Variants in ZNF275 observed in about 807,000 individuals in gnomAD.
The protein encoded by ZNF275 is zinc finger protein 275.
A neutral mutation model predicts 4.3 loss-of-function variants in ZNF275; 4 were observed. The ratio of observed to expected loss-of-function variants is 0.93; its 90% CI spans 0.46 to 2.13. ZNF275 has a LOEUF of 2.13. ZNF275 is among the 30% of genes most tolerant of loss of function. The pLI, the probability that ZNF275 is intolerant of heterozygous loss-of-function variation, is 0.02. For missense variants in ZNF275, 352 were observed against 397.1 expected, an observed-to-expected ratio of 0.89 and a Z score of 0.97; for synonymous variants, 173 against 166.9, an observed-to-expected ratio of 1.04 and a Z score of -0.28.
At chrX:153,344,790 C>G (rs781888640) in intron 2 of ZNF275, 2 of 372,435 alleles carry the variant, frequency 5.4e-6, no homozygotes, top group Non-Finnish European at 1.0e-5. Flanking sequence ...GTAAGGATGT[C>G]CCAGCCCTTC....
intron 2 of ZNF275, chrX:153,344,188 C>G (rs782030888): frequency 6.1e-6 from 2 of 330,485 alleles, no homozygotes; most frequent in Non-Finnish European, 1.2e-5. Context: ...TCCTGGCAGT[C>G]CCTCTTGAGA....
intron 2 of ZNF275, among the ~76,000 whole-genome samples, chrX:153,340,499 C>G (rs1345042897): frequency 1.8e-5 from 2 of 113,139 alleles, no homozygotes; most frequent in African/African-American, 6.4e-5. Context: ...ACTCCTTGGC[C>G]TCAGCCCTTG....
chrX:153,344,573 C>A, intron 2 of ZNF275: 1 of 365,782 alleles, frequency 2.7e-6, no homozygotes, highest in East Asian at 7.5e-5. Context: ...CAGACACCCA[C>A]TCCAGACCCT....
rs1556961634 is a variant in ZNF275 at position 153,346,939 on chromosome X, C to G, written c.254C>G (p.Ser85Cys). ...CCTGAATTCAGACAGCACGGGGACT[C>G]TGACGGGAAGAGAGGGAGCCCACAG... ...PSPEFRQHGD[S>C]DGKRGSPQNL... Residue 85 changes from serine to cysteine, a missense_variant, in exon 4 of 4, where the codon TCT becomes TGT. Coordinates refer to ENST00000650114, the MANE Select transcript of ZNF275 (RefSeq NM_001367757.1). The G allele has an allele frequency of 8.3e-7, 1 of 1,211,675 alleles. No homozygotes were observed. Among genetic ancestry groups the G allele is most frequent in the East Asian group, 3.0e-5 (1 of 33,828 alleles).
chrX:153,334,382 G>A (rs1322396355), intron 1 of ZNF275, 97 bp downstream of exon 1: 2 of 111,669 alleles, frequency 1.8e-5, no homozygotes, highest in South Asian at 3.8e-4. Context: ...GTGGACCTGA[G>A]TGAGCGTGCA....
chrX:153,346,052 G>C (rs2088513001), intron 3 of ZNF275, among the ~76,000 whole-genome samples: 1 of 108,374 alleles, frequency 9.2e-6, no homozygotes, highest in African/African-American at 3.4e-5. Flanking sequence ...GAGTAGAGGG[G>C]CCCATTTGGG....
In ZNF275 at chrX:153,347,514, G is replaced by C. The variant is rs782789113; in HGVS notation, c.829G>C (p.Val277Leu). ...CGACTGCGGCAAGTCCTTCCGAGGG[G>C]TCAACGGGCTGGCCGAGCACCAGCG... is the stretch of plus-strand genomic sequence containing the variant. ...CDDCGKSFRG[V>L]NGLAEHQRIH... The change falls in exon 4 of 4, where the codon GTC becomes CTC. Residue 277 changes from valine (V) to leucine (L), a missense_variant. Val to Leu is a conservative substitution (Grantham distance 32). Transcript: ENST00000650114. The C allele has an allele frequency of 5.8e-5, 69 of 1,195,527 alleles. No individual in the cohort carries two copies. The highest frequency in any genetic ancestry group is 7.4e-5 in the Non-Finnish European group (66 of 887,729).
At chrX:153,334,998 A>G (rs2088435942) in intron 1 of ZNF275, among the ~76,000 whole-genome samples, 2 of 111,174 alleles carry the variant, frequency 1.8e-5, no homozygotes, top group Non-Finnish European at 3.8e-5. Flanking sequence ...TGTCTGAACC[A>G]GTCTTTTTCT....
chrX:153,346,202 TG>T, intron 3 of ZNF275, among the ~76,000 whole-genome samples: 1 of 106,539 alleles, frequency 9.4e-6, no homozygotes, highest in African/African-American at 3.5e-5. Context: ...AAGTTAGGGT[TG>T]GGGGGCCCAG....
At chrX:153,342,585 T>C (rs1371784265) in intron 2 of ZNF275, among the ~76,000 whole-genome samples, 2 of 112,012 alleles carry the variant, frequency 1.8e-5, no homozygotes, top group African/African-American at 3.3e-5. Context: ...ACAGGTCTTT[T>C]GTAGCTTTGG....
chrX:153,336,581 G>A (rs2088447338), intron 1 of ZNF275, 53 bp from the exon 2 acceptor site: 5 of 883,448 alleles, frequency 5.7e-6, no homozygotes, highest in Middle Eastern at 2.8e-4. Flanking sequence ...ACATGTTCCT[G>A]GGAGGTGCAC....
intron 2 of ZNF275, among the ~76,000 whole-genome samples, chrX:153,343,133 AT>A (rs1410224191): frequency 8.9e-6 from 1 of 111,873 alleles, no homozygotes; most frequent in East Asian, 2.8e-4. Context: ...TATTTTCTCC[AT>A]TTTTTTCTAC....
In ZNF275 at chrX:153,347,430, C is replaced by G. The variant is rs1404185457; in HGVS notation, c.745C>G (p.Arg249Gly). 1 of 1,210,434 alleles carries G rather than the reference C, an allele frequency of 8.3e-7. No homozygotes were observed. The highest frequency in any genetic ancestry group is 1.1e-6 in the Non-Finnish European group (1 of 895,051). Residue 249 changes from arginine (R) to glycine (G), a missense_variant, in exon 4 of 4, where the codon CGC becomes GGC. Transcript: ENST00000650114. ...CKACSRDFLDRQELLKHQRMH... is the reference protein window; with the variant it reads ...CKACSRDFLDGQELLKHQRMH... ...GGCGTGCAGCAGGGATTTCCTGGAT[C>G]GCCAGGAGCTTCTCAAGCACCAGCG...
chrX:153,337,483 A>C (rs1313262052), intron 2 of ZNF275, among the ~76,000 whole-genome samples: 1 of 112,156 alleles, frequency 8.9e-6, no homozygotes, highest in African/African-American at 3.2e-5. Context: ...TGGAATGATT[A>C]TTTTGAGACT....
intron 2 of ZNF275, chrX:153,344,092 G>A (rs781991551): frequency 2.6e-4 from 84 of 327,797 alleles, no homozygotes; most frequent in African/African-American, 1.3e-3. Flanking sequence ...CAGGGCTGTC[G>A]TCACTCATGG....
At chrX:153,343,477 G>C (rs1451189333) in intron 2 of ZNF275, 1 of 331,858 alleles carries the variant, frequency 3.0e-6, no homozygotes, top group Non-Finnish European at 5.8e-6. Context: ...AAATCATTCA[G>C]CTCTTTTATT....
chrX:153,338,633 C>G (rs2088460493), intron 2 of ZNF275, among the ~76,000 whole-genome samples: 1 of 108,198 alleles, frequency 9.2e-6, no homozygotes, highest in Admixed American at 9.9e-5. Flanking sequence ...AGGATTCACT[C>G]AATTAAATGT....
intron 2 of ZNF275, among the ~76,000 whole-genome samples, chrX:153,341,927 T>A (rs978884463): frequency 1.8e-5 from 2 of 111,911 alleles, no homozygotes; most frequent in Non-Finnish European, 3.8e-5. Flanking sequence ...AAAGTCTTGC[T>A]AGGGGTTGAT....
chrX:153,340,905 CT>C (rs1299001312), intron 2 of ZNF275, among the ~76,000 whole-genome samples: 2 of 112,187 alleles, frequency 1.8e-5, no homozygotes, highest in Non-Finnish European at 3.8e-5. Context: ...ACGTTGGCAC[CT>C]GTTGGTTTTA....
Sources: gnomAD v4.1 joint callset for allele counts (sites outside exome capture counted in the v4.1 genomes callset) on GRCh38, gnomAD v4.1.1 for gene constraint, MANE v1.5 for transcripts, NCBI Gene and HGNC (gene_info 2026-07-23, HGNC 2026-07-21) for gene names.